ESYT2: variants seen among roughly 807,000 people sequenced by gnomAD.
The protein encoded by ESYT2 is extended synaptotagmin-2.
In ESYT2, 54 loss-of-function variants were observed where a neutral mutation model predicts 107.2. The ratio of observed to expected loss-of-function variants is 0.50; its 90% CI spans 0.40 to 0.63. ESYT2 has a LOEUF of 0.63. Ranked by LOEUF, ESYT2 falls within the 30% of genes least tolerant of loss-of-function variation. The pLI is 0.00. For missense variants in ESYT2, 1,020 were observed against 1,094.5 expected (o/e 0.93, Z 0.96); for synonymous variants, 491 against 434.1 (o/e 1.13, Z -1.63).
rs536545402 is a variant in ESYT2, at chr7:158,772,340, C to T, written c.803+1001G>A. ...GACTGTGCTTCAGATAATTAAAGTC[C>T]TAATTTTTCCCTAATAATGAAACAA... On this transcript the variant is annotated intron_variant, in intron 7 of 22. Transcript: ENST00000275418. 2.0e-5 allele frequency among the ~76,000 whole-genome samples: 3 copies of T among 152,102 alleles called. No homozygotes were observed. In the East Asian group the frequency reaches 5.8e-4, roughly 29 times the overall value.
intron 8 of ESYT2, among the ~76,000 whole-genome samples, chr7:158,766,607 A>T (rs900543215): frequency 1.3e-5 from 2 of 152,328 alleles, no homozygotes; most frequent in Non-Finnish European, 2.9e-5. Flanking sequence ...CATGTCTGTT[A>T]ATTTGTGCAC....
chr7:158,805,803 A>G (rs1248403360), intron 1 of ESYT2, among the ~76,000 whole-genome samples: 1 of 152,252 alleles, frequency 6.6e-6, no homozygotes, highest in Non-Finnish European at 1.5e-5. Context: ...AAAGACACTA[A>G]TATCCCTGAA....
At chr7:158,797,578 A>G (rs2788503) in intron 3 of ESYT2, among the ~76,000 whole-genome samples, 119,050 of 151,890 alleles carry the variant, frequency 0.78, 48,081 homozygotes, top group Non-Finnish European at 0.89. Flanking sequence ...TTTTTCGGCC[A>G]GGCGCGGTGG....
chr7:158,790,701 C>A (rs753910739), intron 4 of ESYT2, among the ~76,000 whole-genome samples: 7 of 152,040 alleles, frequency 4.6e-5, no homozygotes, highest in African/African-American at 1.2e-4. Flanking sequence ...CCGAGGCAGG[C>A]GGATCACTTG....
intron 19 of ESYT2, among the ~76,000 whole-genome samples, chr7:158,738,328 T>A (rs897912594): frequency 0.051 from 3,126 of 61,716 alleles, 132 homozygotes; most frequent in East Asian, 0.38. Context: ...AAAAAAAAAA[T>A]ACACACACAC....
At chr7:158,782,387 TAAGAACGAGAACAAGTGAGTGAAC>T (rs1838911973) in intron 6 of ESYT2, among the ~76,000 whole-genome samples, 2 of 144,628 alleles carry the variant, frequency 1.4e-5, no homozygotes. Context: ...CAAAGTGAGG[TAAGAACGAGAACAAGTGAGTGAAC>T]GAGTGTGAGA....
At chr7:158,811,152 G>C (rs1299677190) in intron 1 of ESYT2, among the ~76,000 whole-genome samples, 5 of 151,824 alleles carry the variant, frequency 3.3e-5, no homozygotes, top group Non-Finnish European at 5.9e-5. Flanking sequence ...GAATGACACT[G>C]TCTCTTAAAA....
At chr7:158,734,953 T>C (rs1333484912) in intron 21 of ESYT2, among the ~76,000 whole-genome samples, 1 of 152,238 alleles carries the variant, frequency 6.6e-6, no homozygotes, top group Non-Finnish European at 1.5e-5. Flanking sequence ...ACCTGTAAGC[T>C]ACATCGCTGA....
At position 158,764,751 on chromosome 7, in the gene ESYT2, T is replaced by C. The variant is rs1838091635; in HGVS notation, c.1027A>G (p.Arg343Gly). 6.2e-7 allele frequency: 1 copy of C among 1,614,108 alleles called. No homozygotes were observed. The highest frequency in any genetic ancestry group is 8.5e-7 in the Non-Finnish European group (1 of 1,180,044). Residue 343 changes from arginine to glycine, a missense_variant, in exon 9 of 23, where the codon AGA becomes GGA. Transcript: ENST00000275418. ...CTTTGGAAGATTTGGTTGCCAACTC[T>C]AATGATTCCATAGGGGTCTGACTTT... ...KGKSDPYGII[R>G]VGNQIFQSRV... is the part of the protein sequence containing the mutation.
chr7:158,786,243 G>T (rs1029890046), intron 6 of ESYT2, among the ~76,000 whole-genome samples: 9 of 152,158 alleles, frequency 5.9e-5, no homozygotes, highest in African/African-American at 2.2e-4. Context: ...TAAAGATTTG[G>T]ATTTCGTTAC....
intron 6 of ESYT2, among the ~76,000 whole-genome samples, chr7:158,783,479 G>C (rs1409750890): frequency 6.6e-6 from 1 of 152,160 alleles, no homozygotes; most frequent in East Asian, 1.9e-4. Context: ...TAGCAGATCT[G>C]GGCTGTTGGT....
chr7:158,764,375 A>C (rs1441107179), intron 9 of ESYT2, among the ~76,000 whole-genome samples: 1 of 152,244 alleles, frequency 6.6e-6, no homozygotes, highest in Non-Finnish European at 1.5e-5. Context: ...TAATAACCAC[A>C]CGTAACATTT....
chr7:158,738,985 G>A, intron 19 of ESYT2, 38 bp downstream of exon 19: 1 of 1,583,546 alleles, frequency 6.3e-7, no homozygotes. Context: ...TCCACACTCA[G>A]CAGCACAGCA....
At chr7:158,815,264 G>A (rs1840119468) in intron 1 of ESYT2, among the ~76,000 whole-genome samples, 1 of 152,188 alleles carries the variant, frequency 6.6e-6, no homozygotes. Context: ...GCTGGCTGCT[G>A]TTGGGCTGAG....
At chr7:158,791,011 C>G (rs1839272107) in intron 4 of ESYT2, among the ~76,000 whole-genome samples, 1 of 152,186 alleles carries the variant, frequency 6.6e-6, no homozygotes, top group African/African-American at 2.4e-5. Context: ...GTACTAAACA[C>G]ATCCATAACG....
chr7:158,823,922 A>T (rs1840364255), intron 1 of ESYT2, among the ~76,000 whole-genome samples: 1 of 152,230 alleles, frequency 6.6e-6, no homozygotes, highest in South Asian at 2.1e-4. Flanking sequence ...AACTATTTAT[A>T]TTTCAGTCCT....
chr7:158,744,205 TAACA>T (rs1837323121), intron 16 of ESYT2: 1 of 152,298 alleles, frequency 6.6e-6, no homozygotes, highest in Non-Finnish European at 1.5e-5. Flanking sequence ...TGAAATCTCC[TAACA>T]AAGACACAAA....
chr7:158,814,089 T>C (rs1206225558), intron 1 of ESYT2, among the ~76,000 whole-genome samples: 3 of 151,786 alleles, frequency 2.0e-5, no homozygotes, highest in South Asian at 2.1e-4. Flanking sequence ...CTGGCCAACA[T>C]GGTGAAACCC....
chr7:158,749,551 C>A, intron 15 of ESYT2, 98 bp downstream of exon 15: 1 of 1,107,058 alleles, frequency 9.0e-7, no homozygotes, highest in East Asian at 2.5e-5. Flanking sequence ...TATCACACAA[C>A]TGAATGTATT....
Sources: gnomAD v4.1 joint callset for allele counts (sites outside exome capture counted in the v4.1 genomes callset) on GRCh38, gnomAD v4.1.1 for gene constraint, MANE v1.5 for transcripts, NCBI Gene and HGNC (gene_info 2026-07-23, HGNC 2026-07-21) for gene names.